Variants in PLCE1 observed in about 807,000 individuals in gnomAD.
PLCE1 encodes 1-phosphatidylinositol 4,5-bisphosphate phosphodiesterase epsilon-1.
A neutral mutation model predicts 242.8 loss-of-function variants in PLCE1; 119 were observed. The observed-to-expected ratio is 0.49, with a 90% CI of 0.42 to 0.57. PLCE1 has a LOEUF of 0.57. Among genes scored for constraint, PLCE1 ranks in the 20% least tolerant of loss-of-function variants. The probability of loss-of-function intolerance (pLI) is 0.00; values close to 1 mark genes in which losing one functional copy is unlikely to be tolerated. For missense variants in PLCE1, 2,441 were observed against 2,788.8 expected (o/e 0.88, Z 2.81); for synonymous variants, 945 against 1,017.4 (o/e 0.93, Z 1.35).
chr10:94,142,109 A>G (rs1340054353), intron 3 of PLCE1, among the ~76,000 whole-genome samples: 1 of 152,216 alleles, frequency 6.6e-6, no homozygotes, highest in Non-Finnish European at 1.5e-5. Flanking sequence ...CTTGACTTCA[A>G]CATTGGGTCA....
intron 13 of PLCE1, 148 bp downstream of exon 13, chr10:94,259,298 T>A: frequency 1.2e-6 from 1 of 817,320 alleles, no homozygotes. Context: ...TTTTTTTTTT[T>A]TTTGAGATGC....
At chr10:94,095,249 C>T (rs531719308) in intron 2 of PLCE1, among the ~76,000 whole-genome samples, 5 of 152,320 alleles carry the variant, frequency 3.3e-5, no homozygotes, top group South Asian at 2.1e-4. Flanking sequence ...GTCTTCACAT[C>T]GTAGGATCCC....
chr10:94,123,896 G>A (rs2046367343), intron 2 of PLCE1, among the ~76,000 whole-genome samples: 1 of 152,068 alleles, frequency 6.6e-6, no homozygotes, highest in African/African-American at 2.4e-5. Flanking sequence ...CTAGCTCAGG[G>A]CACTTTAAGA....
At chr10:94,166,076 A>G (rs1283953253) in intron 3 of PLCE1, among the ~76,000 whole-genome samples, 1 of 152,208 alleles carries the variant, frequency 6.6e-6, no homozygotes, top group Non-Finnish European at 1.5e-5. Flanking sequence ...AGAACTGTGT[A>G]AGTTATACAC....
At chr10:94,141,515 GAAGGGAAGGCT>G (rs1441514358) in intron 3 of PLCE1, among the ~76,000 whole-genome samples, 1 of 48,608 alleles carries the variant, frequency 2.1e-5, no homozygotes, top group Non-Finnish European at 5.0e-5. Flanking sequence ...AAGGGAAGGT[GAAGGGAAGGCT>G]AAGGGAAGGT....
chr10:94,181,635 A>C (rs1590196960), intron 4 of PLCE1, among the ~76,000 whole-genome samples: 1 of 152,268 alleles, frequency 6.6e-6, no homozygotes, highest in Non-Finnish European at 1.5e-5. Context: ...AAGGCCAGGC[A>C]TAGTGGCTCA....
intron 1 of PLCE1, among the ~76,000 whole-genome samples, chr10:94,004,747 TC>T (rs2061001923): frequency 1.3e-5 from 2 of 152,184 alleles, no homozygotes; most frequent in Admixed American, 6.5e-5. Flanking sequence ...TTTGAGTCAC[TC>T]CCCTGTGTCA....
At chr10:94,112,219 G>A (rs2045978643) in intron 2 of PLCE1, among the ~76,000 whole-genome samples, 1 of 152,094 alleles carries the variant, frequency 6.6e-6, no homozygotes, top group African/African-American at 2.4e-5. Context: ...GAAGCACAAG[G>A]AAGGTGAATG....
chr10:94,271,471 C>T (rs550126829), intron 18 of PLCE1, among the ~76,000 whole-genome samples: 439 of 151,864 alleles, frequency 2.9e-3, no homozygotes, highest in Middle Eastern at 6.8e-3. Context: ...CCCACCACCA[C>T]GTCTGGCTAA....
chr10:94,223,871 C>T (rs144363344), intron 4 of PLCE1, among the ~76,000 whole-genome samples: 1 of 152,228 alleles, frequency 6.6e-6, no homozygotes, highest in African/African-American at 2.4e-5. Context: ...CACAGAAATT[C>T]TTTCTGGATT....
intron 1 of PLCE1, among the ~76,000 whole-genome samples, chr10:94,014,628 A>T (rs1237240998): frequency 6.6e-6 from 1 of 152,126 alleles, no homozygotes; most frequent in Non-Finnish European, 1.5e-5. Flanking sequence ...GAAACTCCAT[A>T]CCCATTAAAC....
chr10:94,190,040 C>A (rs1219206758), intron 4 of PLCE1, among the ~76,000 whole-genome samples: 2 of 152,158 alleles, frequency 1.3e-5, no homozygotes, highest in East Asian at 3.9e-4. Flanking sequence ...GTGGCTCATG[C>A]CTATAATCCC....
intron 1 of PLCE1, among the ~76,000 whole-genome samples, chr10:94,008,190 T>C (rs1425839020): frequency 8.3e-5 from 4 of 48,162 alleles, no homozygotes; most frequent in African/African-American, 4.5e-4. Flanking sequence ...AGACCTTGTC[T>C]CAAAAAAAAA....
At chr10:94,053,535 G>C (rs955180880) in intron 2 of PLCE1, among the ~76,000 whole-genome samples, 2 of 152,200 alleles carry the variant, frequency 1.3e-5, no homozygotes, top group Non-Finnish European at 2.9e-5. Flanking sequence ...GCTGGCCGGA[G>C]GGAGCAGCTC....
At chr10:94,110,066 T>TC (rs2045902347) in intron 2 of PLCE1, among the ~76,000 whole-genome samples, 1 of 111,484 alleles carries the variant, frequency 9.0e-6, no homozygotes, top group African/African-American at 3.3e-5. Context: ...TTCTTTTTTT[T>TC]TTTTTTTTTT....
chr10:94,192,263 G>A (rs887586830), intron 4 of PLCE1, among the ~76,000 whole-genome samples: 1 of 152,128 alleles, frequency 6.6e-6, no homozygotes, highest in African/African-American at 2.4e-5. Flanking sequence ...GACACTTGAG[G>A]TTTGGGGTAC....
At chr10:94,164,570 C>T (rs2047728364) in intron 3 of PLCE1, among the ~76,000 whole-genome samples, 1 of 152,060 alleles carries the variant, frequency 6.6e-6, no homozygotes. Context: ...ACTTCTTTGC[C>T]CTGGGTTTGA....
intron 13 of PLCE1, among the ~76,000 whole-genome samples, chr10:94,260,339 C>T (rs1372787613): frequency 2.0e-5 from 3 of 152,194 alleles, no homozygotes; most frequent in Admixed American, 6.5e-5. Flanking sequence ...ACCACCACCA[C>T]CATTACTATC....
At chr10:94,212,766 A>G (rs1589358254) in intron 4 of PLCE1, among the ~76,000 whole-genome samples, 1 of 152,224 alleles carries the variant, frequency 6.6e-6, no homozygotes, top group Non-Finnish European at 1.5e-5. Flanking sequence ...TTTGGGAAAC[A>G]TTACCACAAA....
Sources: gnomAD v4.1 joint callset for allele counts (sites outside exome capture counted in the v4.1 genomes callset) on GRCh38, gnomAD v4.1.1 for gene constraint, MANE v1.5 for transcripts, NCBI Gene and HGNC (gene_info 2026-07-23, HGNC 2026-07-21) for gene names.